Variants in ARL6IP6 observed in about 807,000 individuals in gnomAD.
ARL6IP6 encodes the protein ADP-ribosylation factor-like protein 6-interacting protein 6.
In ARL6IP6, 22 loss-of-function variants were observed where a neutral mutation model predicts 21.5. The observed-to-expected ratio is 1.02, with a 90% CI of 0.73 to 1.46. The LOEUF (loss-of-function observed/expected upper bound fraction) is 1.46, where lower values mean the gene tolerates loss of function less well. ARL6IP6 is among the 40% of genes most tolerant of loss of function. The pLI is 0.00. For synonymous variants in ARL6IP6, 164 were observed against 125.3 expected, an observed-to-expected ratio of 1.31 and a Z score of -2.06; for missense variants, 388 against 299.8, an observed-to-expected ratio of 1.29 and a Z score of -2.17.
At position 152,760,563 on chromosome 2, in the gene ARL6IP6, C is replaced by G. The variant is rs1039246228; in HGVS notation, c.*723C>G. On this transcript the variant is annotated 3_prime_UTR_variant, in exon 4 of 4. Transcript: ENST00000326446. ...AAAAAAAGCAAAAAAGCACATTGACCTAAGTTGAAAATTAAGTAAGTTTAT... is the reference window on the plus strand; with the variant it reads ...AAAAAAAGCAAAAAAGCACATTGACGTAAGTTGAAAATTAAGTAAGTTTAT... The G allele has an allele frequency of 1.3e-5, 2 of 151,190 alleles. No individual in the cohort carries two copies. Among genetic ancestry groups the G allele is most frequent in the Admixed American group, 6.6e-5 (1 of 15,154 alleles). 9.4% of individuals were successfully genotyped at this position (151,190 alleles called of 1,614,324 possible). A position where few individuals can be genotyped will look rare whatever the true frequency, so the allele number is the denominator to read the frequency against.
chr2:152,739,636 C>T (rs371224257), intron 3 of ARL6IP6, among the ~76,000 whole-genome samples: 1 of 152,178 alleles, frequency 6.6e-6, no homozygotes, highest in Non-Finnish European at 1.5e-5. Flanking sequence ...TTCAACCTCT[C>T]CCTGTTACCT....
chr2:152,741,796 T>C (rs1700821980), intron 3 of ARL6IP6, among the ~76,000 whole-genome samples: 1 of 152,208 alleles, frequency 6.6e-6, no homozygotes, highest in Admixed American at 6.5e-5. Flanking sequence ...GATGGTTCCA[T>C]GTATTTGTAA....
At chr2:152,720,807 G>A (rs1699753086) in intron 2 of ARL6IP6, among the ~76,000 whole-genome samples, 1 of 152,096 alleles carries the variant, frequency 6.6e-6, no homozygotes, top group African/African-American at 2.4e-5. Context: ...ATTTTTTAAT[G>A]GGGCCAGGTG....
At position 152,761,449 on chromosome 2, in the gene ARL6IP6, CTG is replaced by C. The variant is rs1285868279; in HGVS notation, c.*1611_*1612del. On this transcript the variant is annotated 3_prime_UTR_variant, in exon 4 of 4. Coordinates refer to ENST00000326446, the MANE Select transcript of ARL6IP6 (RefSeq NM_152522.7). ...ATCAATTTATCTTCTCTCCACCACT[CTG>C]TATTCCCACGCACCACCAATGTGAG... 6.6e-6 allele frequency among the ~76,000 whole-genome samples: 1 copy of C among 152,142 alleles called. No homozygotes were observed. The highest frequency in any genetic ancestry group is 1.5e-5 in the Non-Finnish European group (1 of 68,034).
At chr2:152,720,608 G>A (rs779266758) in intron 2 of ARL6IP6, 22 bp downstream of exon 2, 22 of 1,607,390 alleles carry the variant, frequency 1.4e-5, no homozygotes, top group Non-Finnish European at 5.1e-6. Context: ...ATTGCCGCTT[G>A]CTTTGGTTTT....
Position 152,742,104 on chromosome 2 carries a change from T to A in ARL6IP6, c.587+6978T>A, listed in dbSNP as rs192935664. Among the ~76,000 whole-genome samples, 233 of 152,332 alleles carry A rather than the reference T, an allele frequency of 1.5e-3. 1 individual carries two copies. Among genetic ancestry groups the A allele is most frequent in the Non-Finnish European group, 1.9e-3 (132 of 68,036 alleles). On this transcript the variant is annotated intron_variant, in intron 3 of 3. Transcript: ENST00000326446. ...TTTCTCATCACTTTTCCCTGTTCAT[T>A]GTCTGGGTTTTGTGAGTGATTTCCA...
intron 3 of ARL6IP6, among the ~76,000 whole-genome samples, chr2:152,746,303 AG>A (rs903407950): frequency 1.3e-5 from 2 of 152,172 alleles, no homozygotes; most frequent in African/African-American, 4.8e-5. Context: ...CTGGGATTAC[AG>A]GCATGAGCCA....
chr2:152,722,620 C>T (rs368159480), intron 2 of ARL6IP6, among the ~76,000 whole-genome samples: 6 of 152,066 alleles, frequency 3.9e-5, no homozygotes, highest in Non-Finnish European at 8.8e-5. Flanking sequence ...TTGAGGTGAT[C>T]GGCCACGCGC....
intron 3 of ARL6IP6, among the ~76,000 whole-genome samples, chr2:152,759,069 A>G (rs1361630243): frequency 6.6e-6 from 1 of 152,182 alleles, no homozygotes; most frequent in Admixed American, 6.5e-5. Flanking sequence ...ATTGCAATAC[A>G]GTTAGTGGGA....
intron 2 of ARL6IP6, among the ~76,000 whole-genome samples, chr2:152,730,038 T>TA (rs1450410804): frequency 1.3e-5 from 2 of 152,224 alleles, no homozygotes; most frequent in Admixed American, 6.5e-5. Context: ...TCCCGAATCA[T>TA]AAACACTTCT....
intron 3 of ARL6IP6, among the ~76,000 whole-genome samples, chr2:152,739,134 C>G (rs1302738339): frequency 6.6e-6 from 1 of 152,086 alleles, no homozygotes; most frequent in Non-Finnish European, 1.5e-5. Context: ...AGGCGCCCAC[C>G]ACCACGCCCG....
chr2:152,734,962 A>C, intron 2 of ARL6IP6, 32 bp from the exon 3 acceptor site: 1 of 1,594,262 alleles, frequency 6.3e-7, no homozygotes, highest in Non-Finnish European at 8.6e-7. Flanking sequence ...GGTGTTAATA[A>C]TGTACTTTTT....
chr2:152,734,927 G>C, intron 2 of ARL6IP6, 67 bp from the exon 3 acceptor site: 1 of 1,467,732 alleles, frequency 6.8e-7, no homozygotes. Context: ...GAACATGAGA[G>C]TACTGGTTTA....
At chr2:152,737,898 A>G (rs1700623935) in intron 3 of ARL6IP6, among the ~76,000 whole-genome samples, 1 of 152,146 alleles carries the variant, frequency 6.6e-6, no homozygotes, top group South Asian at 2.1e-4. Context: ...TGCCTTCCCA[A>G]CAGTCCCCCA....
chr2:152,749,647 TGAA>T (rs1701228461), intron 3 of ARL6IP6, among the ~76,000 whole-genome samples: 1 of 152,132 alleles, frequency 6.6e-6, no homozygotes, highest in Non-Finnish European at 1.5e-5. Flanking sequence ...AGAAGAAAAT[TGAA>T]GGTCAAAGAG....
rs564575482 is a variant in ARL6IP6 at position 152,724,033 on chromosome 2, A to G, written c.454+3447A>G. Among the ~76,000 whole-genome samples the G allele has an allele frequency of 1.2e-4, 18 of 151,886 alleles. No individual in the cohort carries two copies. In the South Asian group the frequency reaches 3.7e-3, roughly 32 times the overall value. On this transcript the variant is annotated intron_variant, in intron 2 of 3. Coordinates refer to ENST00000326446, the MANE Select transcript of ARL6IP6 (RefSeq NM_152522.7). ...CTAATATTTCATCTAAAAAGTCACA[A>G]ATATCCTATTCTATAGCACAATTTT...
In ARL6IP6 at chr2:152,754,327, G is replaced by A. The variant is rs567990992; in HGVS notation, c.588-5420G>A. On this transcript the variant is annotated intron_variant, in intron 3 of 3. Coordinates refer to ENST00000326446, the MANE Select transcript of ARL6IP6 (RefSeq NM_152522.7). Reference sequence around the variant, plus strand: ...GGAATCGTACAGATTTTTTTTTAATGTAGTCTTTTGTGTTTACTCCTTTCA... The same window carrying A: ...GGAATCGTACAGATTTTTTTTTAATATAGTCTTTTGTGTTTACTCCTTTCA... 7.4e-4 allele frequency among the ~76,000 whole-genome samples: 112 copies of A among 151,786 alleles called. 1 individual carries two copies. Among genetic ancestry groups the A allele is most frequent in the African/African-American group, 2.5e-3 (104 of 41,424 alleles).
rs777420584 is a variant in ARL6IP6 at position 152,761,766 on chromosome 2, C to G, written c.*1926C>G. 3.9e-4 allele frequency among the ~76,000 whole-genome samples: 59 copies of G among 152,176 alleles called. No homozygotes were observed. Among genetic ancestry groups the G allele is most frequent in the Non-Finnish European group, 7.4e-4 (50 of 68,004 alleles). On this transcript the variant is annotated 3_prime_UTR_variant, in exon 4 of 4. Coordinates refer to ENST00000326446, the MANE Select transcript of ARL6IP6 (RefSeq NM_152522.7). ...ATAGTCTAGGAGCAATAAGCTATAC[C>G]ATATAGCCTAGGTGTGTAGTAGGCT...
chr2:152,749,823 G>GA (rs1701236469), intron 3 of ARL6IP6, among the ~76,000 whole-genome samples: 1 of 152,152 alleles, frequency 6.6e-6, no homozygotes, highest in Admixed American at 6.6e-5. Context: ...TCTAGAACCA[G>GA]AAAAAGGTCA....
Sources: gnomAD v4.1 joint callset for allele counts (sites outside exome capture counted in the v4.1 genomes callset) on GRCh38, gnomAD v4.1.1 for gene constraint, MANE v1.5 for transcripts, NCBI Gene and HGNC (gene_info 2026-07-23, HGNC 2026-07-21) for gene names.